The following RAB5A variants were observed in gnomAD, a reference collection of about 807,000 sequenced individuals.
RAB5A encodes the protein ras-related protein Rab-5A.
In RAB5A, 8 loss-of-function variants were observed where a neutral mutation model predicts 25.7. The observed-to-expected ratio is 0.31, with a 90% CI of 0.18 to 0.56. RAB5A has a LOEUF of 0.56. Ranked by LOEUF, RAB5A falls within the 20% of genes least tolerant of loss-of-function variation. The pLI is 0.91. For missense variants in RAB5A, 192 were observed against 259.7 expected, an observed-to-expected ratio of 0.74 and a Z score of 1.79; for synonymous variants, 98 against 89.8, an observed-to-expected ratio of 1.09 and a Z score of -0.52.
rs748433119 is a variant in RAB5A at position 19,956,946 on chromosome 3, CT to C, written c.163+5902del. On this transcript the variant is annotated intron_variant, in intron 2 of 5. Coordinates refer to ENST00000273047, the MANE Select transcript of RAB5A (RefSeq NM_004162.5). ...TTTGAAAAATTTTGTGTTTTTTTTC[CT>C]TTTTTTTTTTTTTTTTAAACAGCCT... 3.0e-3 allele frequency among the ~76,000 whole-genome samples: 402 copies of C among 135,172 alleles called. 1 individual carries two copies. Among genetic ancestry groups the C allele is most frequent in the Middle Eastern group, 3.8e-3 (1 of 266 alleles). 88.7% of individuals were successfully genotyped at this position (135,172 alleles called of 152,430 possible). A position where few individuals can be genotyped will look rare whatever the true frequency, so the allele number is the denominator to read the frequency against.
At chr3:19,983,433 A>G (rs1696971380) in intron 5 of RAB5A, among the ~76,000 whole-genome samples, 1 of 152,076 alleles carries the variant, frequency 6.6e-6, no homozygotes, top group South Asian at 2.1e-4. Flanking sequence ...ATAGAGAATT[A>G]CATAAAGCAC....
chr3:19,973,372 T>C (rs1696778765), intron 2 of RAB5A, among the ~76,000 whole-genome samples: 1 of 139,638 alleles, frequency 7.2e-6, no homozygotes, highest in Non-Finnish European at 1.6e-5. Flanking sequence ...TCTGTGCACA[T>C]TTTAATTCCT....
At chr3:19,956,016 A>G (rs1696496782) in intron 2 of RAB5A, among the ~76,000 whole-genome samples, 1 of 152,204 alleles carries the variant, frequency 6.6e-6, no homozygotes, top group South Asian at 2.1e-4. Flanking sequence ...GCCACCTGCC[A>G]GACATCTTTA....
intron 3 of RAB5A, 63 bp from the exon 4 acceptor site, chr3:19,975,980 GTATC>G: frequency 6.4e-7 from 1 of 1,551,326 alleles, no homozygotes; most frequent in Non-Finnish European, 8.7e-7. Context: ...TTAAAGCCTT[GTATC>G]ACAAAGATGC....
intron 2 of RAB5A, among the ~76,000 whole-genome samples, chr3:19,956,939 T>G (rs2125180841): frequency 6.8e-6 from 1 of 147,788 alleles, no homozygotes; most frequent in East Asian, 1.9e-4. Flanking sequence ...ATTTTGTGTT[T>G]TTTTTCCTTT....
At chr3:19,957,318 A>T (rs966854563) in intron 2 of RAB5A, among the ~76,000 whole-genome samples, 16 of 152,034 alleles carry the variant, frequency 1.1e-4, no homozygotes, top group Non-Finnish European at 2.4e-4. Context: ...TTTTCCAGTA[A>T]CTACTTAATA....
intron 2 of RAB5A, among the ~76,000 whole-genome samples, chr3:19,955,404 T>C (rs1053552948): frequency 3.3e-5 from 5 of 152,230 alleles, no homozygotes; most frequent in Non-Finnish European, 7.3e-5. Flanking sequence ...AACTAGGAAC[T>C]TGTTAAAATG....
chr3:19,955,391 A>G (rs1367638432), intron 2 of RAB5A, among the ~76,000 whole-genome samples: 1 of 152,246 alleles, frequency 6.6e-6, no homozygotes, highest in Non-Finnish European at 1.5e-5. Context: ...AAGTAGCTGC[A>G]TTAACTAGGA....
In RAB5A at chr3:19,984,076, G is replaced by A. The variant is rs1413858630; in HGVS notation, c.*253G>A. 1.4e-5 allele frequency: 6 copies of A among 430,452 alleles called. No homozygotes were observed. Among genetic ancestry groups the A allele is most frequent in the African/African-American group, 4.1e-5 (2 of 48,872 alleles). The allele number at this position is 430,452 out of a possible 1,614,324, so 26.7% of individuals were successfully genotyped here. A position where few individuals can be genotyped will look rare whatever the true frequency, so the allele number is the denominator to read the frequency against. Reference sequence around the variant, plus strand: ...CACTTGTTTCATTGGAAGGTTAGGGGGAATAATTTCTCATCACTAGGAATA... The same window carrying A: ...CACTTGTTTCATTGGAAGGTTAGGGAGAATAATTTCTCATCACTAGGAATA... On this transcript the variant is annotated 3_prime_UTR_variant, in exon 6 of 6. Transcript: ENST00000273047.
intron 1 of RAB5A, among the ~76,000 whole-genome samples, chr3:19,949,752 A>G (rs1269420548): frequency 6.6e-6 from 1 of 152,190 alleles, no homozygotes; most frequent in Non-Finnish European, 1.5e-5. Flanking sequence ...AATAAAAAAT[A>G]ATGGCCTGCA....
intron 1 of RAB5A, among the ~76,000 whole-genome samples, chr3:19,949,299 TAAG>T (rs1696386691): frequency 6.6e-6 from 1 of 152,236 alleles, no homozygotes; most frequent in Non-Finnish European, 1.5e-5. Flanking sequence ...TTCATTGCCT[TAAG>T]AACTAAGATC....
chr3:19,961,736 G>A (rs13070718), intron 2 of RAB5A, among the ~76,000 whole-genome samples: 14,790 of 152,138 alleles, frequency 0.097, 854 homozygotes, highest in Non-Finnish European at 0.13. Flanking sequence ...AGCCCACTCA[G>A]TTCTTTTTCC....
intron 5 of RAB5A, among the ~76,000 whole-genome samples, chr3:19,979,793 C>G (rs930501707): frequency 6.6e-6 from 1 of 151,830 alleles, no homozygotes; most frequent in Non-Finnish European, 1.5e-5. Context: ...CAAAGTTTGC[C>G]GTCTGTGGTT....
intron 1 of RAB5A, chr3:19,947,732 T>C (rs1696344509): frequency 6.6e-6 from 1 of 152,334 alleles, no homozygotes; most frequent in Non-Finnish European, 1.5e-5. Flanking sequence ...AGACCGGGAT[T>C]TGGGGACTGA....
rs1376530529 is a variant in RAB5A at position 19,984,217 on chromosome 3, T to A, written c.*394T>A. ...ACTAATTTGGGCTTTTCAAAAACAT[T>A]CTTTGTTTAGAAGGAGATTCTAAAG... On this transcript the variant is annotated 3_prime_UTR_variant, in exon 6 of 6. Transcript: ENST00000273047. The A allele has an allele frequency of 2.4e-6, 1 of 422,756 alleles. No individual in the cohort carries two copies. The highest frequency in any genetic ancestry group is 3.3e-5 in the Admixed American group (1 of 30,688). 26.2% of individuals were successfully genotyped at this position (422,756 alleles called of 1,614,324 possible).
intron 2 of RAB5A, among the ~76,000 whole-genome samples, chr3:19,955,262 A>G (rs1696483200): frequency 6.6e-6 from 1 of 152,196 alleles, no homozygotes; most frequent in Non-Finnish European, 1.5e-5. Flanking sequence ...AAAATGTGTT[A>G]TAAACTCTAA....
At chr3:19,962,106 G>A (rs1270093782) in intron 2 of RAB5A, among the ~76,000 whole-genome samples, 1 of 152,176 alleles carries the variant, frequency 6.6e-6, no homozygotes, top group Non-Finnish European at 1.5e-5. Flanking sequence ...CTGTTAGCTA[G>A]AACACACCTA....
intron 2 of RAB5A, among the ~76,000 whole-genome samples, chr3:19,973,679 T>C (rs1366491334): frequency 6.6e-6 from 1 of 152,196 alleles, no homozygotes; most frequent in Non-Finnish European, 1.5e-5. Flanking sequence ...ATTTACAATG[T>C]GATTAATGAG....
chr3:19,980,410 T>TTG lies in RAB5A; in HGVS notation c.532+2010_532+2011dup, dbSNP rs1257564857. 1.6e-4 allele frequency among the ~76,000 whole-genome samples: 24 copies of TTG among 152,164 alleles called. No homozygotes were observed. In the South Asian group the frequency reaches 5.0e-3, roughly 32 times the overall value. ...AAGAAAATCTATGTTGTAAATGGAA[T>TTG]TGTGGCCTTTCCATTTCCTTCACTA... On this transcript the variant is annotated intron_variant, in intron 5 of 5. Coordinates refer to ENST00000273047, the MANE Select transcript of RAB5A (RefSeq NM_004162.5).
Sources: allele counts gnomAD v4.1 joint callset (sites outside exome capture counted in the v4.1 genomes callset), GRCh38; gene constraint gnomAD v4.1.1; transcripts MANE v1.5; gene names NCBI Gene and HGNC (gene_info 2026-07-23, HGNC 2026-07-21).